Variants in PDE3B observed in about 807,000 individuals in gnomAD.
The protein encoded by PDE3B is cGMP-inhibited 3',5'-cyclic phosphodiesterase 3B.
Under a neutral mutation model 116.8 loss-of-function variants are expected in PDE3B, and 66 were observed. The ratio of observed to expected loss-of-function variants is 0.56; its 90% CI spans 0.46 to 0.69. PDE3B has a LOEUF of 0.69. PDE3B is among the 30% of genes least tolerant of loss of function. The pLI, the probability that PDE3B is intolerant of heterozygous loss-of-function variation, is 0.00. For missense variants in PDE3B, 1,384 were observed against 1,368.1 expected, an observed-to-expected ratio of 1.01 and a Z score of -0.18; for synonymous variants, 595 against 533.6, an observed-to-expected ratio of 1.12 and a Z score of -1.59.
chr11:14,894,652 TCCCCA>T, the PDE3B span, among the ~76,000 whole-genome samples: 5 of 152,118 alleles, frequency 3.3e-5, no homozygotes, highest in African/African-American at 9.7e-5. Context: ...GATGAAATGT[TCCCCA>T]CCCCACCCCA....
At chr11:14,727,171 C>G (rs1856332583) in intron 1 of PDE3B, among the ~76,000 whole-genome samples, 1 of 152,012 alleles carries the variant, frequency 6.6e-6, no homozygotes, top group East Asian at 1.9e-4. Flanking sequence ...GTAAATTAAG[C>G]CTTTGCCTTT....
intron 8 of PDE3B, among the ~76,000 whole-genome samples, chr11:14,831,054 C>T (rs1463576785): frequency 6.6e-6 from 1 of 151,646 alleles, no homozygotes; most frequent in Non-Finnish European, 1.5e-5. Context: ...CAACAAACTG[C>T]ATTCAGTTTT....
intron 1 of PDE3B, among the ~76,000 whole-genome samples, chr11:14,760,682 A>T (rs961749298): frequency 1.3e-5 from 2 of 152,230 alleles, no homozygotes; most frequent in African/African-American, 4.8e-5. Flanking sequence ...AAGTGGAAAC[A>T]GTCATAAGTT....
the PDE3B span, among the ~76,000 whole-genome samples, chr11:14,896,089 A>G: frequency 1.3e-5 from 2 of 152,196 alleles, no homozygotes; most frequent in Non-Finnish European, 2.9e-5. Context: ...GCCATTTCCT[A>G]GGGATACTCA....
chr11:14,689,318 C>G (rs1242557760), intron 1 of PDE3B, among the ~76,000 whole-genome samples: 1 of 151,676 alleles, frequency 6.6e-6, no homozygotes, highest in African/African-American at 2.4e-5. Flanking sequence ...GACGAGTGGG[C>G]AATTTGAAAT....
intron 1 of PDE3B, among the ~76,000 whole-genome samples, chr11:14,668,210 A>G (rs1202652040): frequency 6.6e-6 from 1 of 152,128 alleles, no homozygotes; most frequent in Non-Finnish European, 1.5e-5. Context: ...TTTTTGTAAC[A>G]GAGTCCTACT....
chr11:14,775,698 T>C (rs7925742), intron 2 of PDE3B: 146,895 of 152,224 alleles, frequency 0.96, 71,085 homozygotes, highest in Non-Finnish European at 1. Context: ...CCACCACACC[T>C]GGCTAATTTT....
chr11:14,805,886 A>G (rs1476611940), intron 5 of PDE3B, among the ~76,000 whole-genome samples: 1 of 152,224 alleles, frequency 6.6e-6, no homozygotes, highest in East Asian at 1.9e-4. Flanking sequence ...CAGACATAGG[A>G]AAAAATGCTC....
intron 5 of PDE3B, among the ~76,000 whole-genome samples, chr11:14,807,211 C>G (rs1845862695): frequency 6.6e-6 from 1 of 152,108 alleles, no homozygotes; most frequent in African/African-American, 2.4e-5. Context: ...ACCTATGTAG[C>G]AAACCTGCAC....
In PDE3B at chr11:14,684,222, A is replaced by G. The variant is rs901016132; in HGVS notation, c.978+39169A>G. Among the ~76,000 whole-genome samples, 3 of 152,288 alleles carry G rather than the reference A, an allele frequency of 2.0e-5. No homozygotes were observed. The South Asian group carries it at 6.2e-4, about 32-fold the overall frequency. On this transcript the variant is annotated intron_variant, in intron 1 of 15. Transcript: ENST00000282096. ...CCCCGTATTTCAACGTAGGTTCTTT[A>G]TATTTTCTGTAAGTGTCGGCCAGTT... is the stretch of plus-strand genomic sequence containing the variant.
At chr11:14,765,350 G>C (rs1565126987) in intron 1 of PDE3B, among the ~76,000 whole-genome samples, 1 of 151,886 alleles carries the variant, frequency 6.6e-6, no homozygotes. Flanking sequence ...AATTGAACCT[G>C]ATAACATCTC....
intron 1 of PDE3B, among the ~76,000 whole-genome samples, chr11:14,651,569 T>A (rs1853575793): frequency 6.6e-6 from 1 of 152,220 alleles, no homozygotes; most frequent in South Asian, 2.1e-4. Flanking sequence ...ATCCACATTC[T>A]TATCAACCAG....
chr11:14,851,034 G>A (rs886930067), intron 12 of PDE3B, among the ~76,000 whole-genome samples: 7 of 149,002 alleles, frequency 4.7e-5, no homozygotes, highest in Admixed American at 1.3e-4. Context: ...TGTGTTAGCC[G>A]GGATGGTCTC....
chr11:14,845,989 C>T (rs868139234), intron 12 of PDE3B, among the ~76,000 whole-genome samples: 95 of 152,152 alleles, frequency 6.2e-4, no homozygotes, highest in Middle Eastern at 3.4e-3. Flanking sequence ...ATACAGAGAA[C>T]GCCACAAAGA....
At chr11:14,696,211 G>A (rs377032950) in intron 1 of PDE3B, among the ~76,000 whole-genome samples, 40 of 152,256 alleles carry the variant, frequency 2.6e-4, no homozygotes, top group East Asian at 1.9e-3. Flanking sequence ...TCTGTCTGGC[G>A]TGAGATGGTA....
At chr11:14,890,054 G>A in the PDE3B span, among the ~76,000 whole-genome samples, 1 of 152,064 alleles carries the variant, frequency 6.6e-6, no homozygotes, top group Admixed American at 6.5e-5. Context: ...GCGTGAACTC[G>A]GGAGGCGGAG....
Position 14,841,129 on chromosome 11 carries a change from A to G in PDE3B, c.2321-2698A>G, listed in dbSNP as rs1382516777. Reference sequence around the variant, plus strand: ...TCCATAAGGTCGGTGGGCCTCATCCAGTCAGTTGAAGGCCTTAATAGAAAC... The same window carrying G: ...TCCATAAGGTCGGTGGGCCTCATCCGGTCAGTTGAAGGCCTTAATAGAAAC... On this transcript the variant is annotated intron_variant, in intron 11 of 15. Transcript: ENST00000282096. Among the ~76,000 whole-genome samples the G allele has an allele frequency of 3.9e-5, 6 of 151,956 alleles. No individual in the cohort carries two copies. The South Asian group carries it at 6.2e-4, about 16-fold the overall frequency.
chr11:14,885,894 G>A, the PDE3B span: 1 of 1,613,452 alleles, frequency 6.2e-7, no homozygotes, highest in Non-Finnish European at 8.5e-7. Context: ...CAGTTGATAT[G>A]CCTCCAAGAT....
chr11:14,889,245 C>T, the PDE3B span, among the ~76,000 whole-genome samples: 2 of 149,810 alleles, frequency 1.3e-5, no homozygotes, highest in Non-Finnish European at 3.0e-5. Flanking sequence ...GTCCTAGGTA[C>T]AACTTTCCAG....
Sources: allele counts gnomAD v4.1 joint callset (sites outside exome capture counted in the v4.1 genomes callset), GRCh38; gene constraint gnomAD v4.1.1; transcripts MANE v1.5; gene names NCBI Gene and HGNC (gene_info 2026-07-23, HGNC 2026-07-21).